MRTFB: variants seen among roughly 807,000 people sequenced by gnomAD.
MRTFB encodes myocardin-related transcription factor B.
A neutral mutation model predicts 104.2 loss-of-function variants in MRTFB; 29 were observed. The observed-to-expected ratio is 0.28, with a 90% CI of 0.21 to 0.38. MRTFB has a LOEUF of 0.38. MRTFB is among the 10% of genes least tolerant of loss of function. The probability of loss-of-function intolerance (pLI) is 1.00; values close to 1 mark genes in which losing one functional copy is unlikely to be tolerated. For synonymous variants in MRTFB, 535 were observed against 519.5 expected (o/e 1.03, Z -0.41); for missense variants, 1,270 against 1,341.6 (o/e 0.95, Z 0.83).
intron 3 of MRTFB, among the ~76,000 whole-genome samples, chr16:14,155,906 T>A (rs1422872545): frequency 6.6e-6 from 1 of 152,204 alleles, no homozygotes; most frequent in African/African-American, 2.4e-5. Flanking sequence ...TGGAACTCTT[T>A]TTCAGCATAG....
the MRTFB span, among the ~76,000 whole-genome samples, chr16:13,999,454 G>T: frequency 6.7e-6 from 1 of 149,164 alleles, no homozygotes. Flanking sequence ...ACAGAACCCA[G>T]TCAGAGCCAG....
At chr16:14,051,024 C>T in the MRTFB span, among the ~76,000 whole-genome samples, 1 of 152,174 alleles carries the variant, frequency 6.6e-6, no homozygotes, top group South Asian at 2.1e-4. Context: ...TCTTTACCAT[C>T]ACAGGAATTC....
the MRTFB span, among the ~76,000 whole-genome samples, chr16:14,034,475 G>A: frequency 2.0e-5 from 3 of 152,094 alleles, no homozygotes; most frequent in Non-Finnish European, 4.4e-5. Context: ...TTAGCCAGGC[G>A]TGGTGGTGGG....
chr16:14,179,154 TATTA>T (rs1264719557), intron 3 of MRTFB, among the ~76,000 whole-genome samples: 5 of 152,252 alleles, frequency 3.3e-5, no homozygotes, highest in African/African-American at 9.6e-5. Flanking sequence ...ACACTTTGCA[TATTA>T]ATTATAGAAA....
chr16:14,054,972 A>G, the MRTFB span, among the ~76,000 whole-genome samples: 2 of 152,254 alleles, frequency 1.3e-5, no homozygotes, highest in Non-Finnish European at 2.9e-5. Context: ...TGCAAAAGCA[A>G]CAGCACATTC....
chr16:14,028,975 T>G, the MRTFB span, among the ~76,000 whole-genome samples: 1 of 151,974 alleles, frequency 6.6e-6, no homozygotes, highest in Non-Finnish European at 1.5e-5. Context: ...CTAGCTGAAG[T>G]GAGTTAAAAC....
chr16:14,056,547 C>T, the MRTFB span, among the ~76,000 whole-genome samples: 33 of 152,166 alleles, frequency 2.2e-4, no homozygotes, highest in African/African-American at 6.8e-4. Flanking sequence ...ATTCTACAGG[C>T]ATTTTGTATT....
chr16:14,198,316 T>C (rs1458157200), intron 3 of MRTFB, among the ~76,000 whole-genome samples: 2 of 152,230 alleles, frequency 1.3e-5, no homozygotes, highest in Non-Finnish European at 2.9e-5. Flanking sequence ...GTTTGAGTAC[T>C]TGTTTCCAAT....
At chr16:14,059,198 T>C in the MRTFB span, among the ~76,000 whole-genome samples, 4 of 152,142 alleles carry the variant, frequency 2.6e-5, no homozygotes, top group Non-Finnish European at 4.4e-5. Flanking sequence ...ATCTAGCACT[T>C]CAAACATTTA....
the MRTFB span, among the ~76,000 whole-genome samples, chr16:14,001,353 G>A: frequency 6.6e-6 from 1 of 152,166 alleles, no homozygotes; most frequent in Non-Finnish European, 1.5e-5. Flanking sequence ...CTCCTCATAG[G>A]GGATACAGGG....
chr16:14,255,760 A>T (rs2043453171), intron 15 of MRTFB, among the ~76,000 whole-genome samples: 1 of 152,068 alleles, frequency 6.6e-6, no homozygotes, highest in South Asian at 2.1e-4. Context: ...GAAGTTAAGG[A>T]TATGTATTGC....
intron 8 of MRTFB, among the ~76,000 whole-genome samples, chr16:14,222,344 A>G (rs2041764335): frequency 6.6e-6 from 1 of 152,206 alleles, no homozygotes; most frequent in South Asian, 2.1e-4. Flanking sequence ...CACAGGCTGC[A>G]TGCGGCCCAG....
the MRTFB span, among the ~76,000 whole-genome samples, chr16:14,058,018 C>G: frequency 6.6e-6 from 1 of 152,180 alleles, no homozygotes; most frequent in African/African-American, 2.4e-5. Context: ...ACCCAGAATA[C>G]CCCGGAGCAG....
chr16:14,228,582 A>T (rs2042114859), intron 8 of MRTFB, among the ~76,000 whole-genome samples: 1 of 152,256 alleles, frequency 6.6e-6, no homozygotes. Flanking sequence ...TCCCAAAAAA[A>T]AAAAAATAGA....
the MRTFB span, among the ~76,000 whole-genome samples, chr16:14,037,682 G>T: frequency 6.6e-6 from 1 of 152,176 alleles, no homozygotes; most frequent in South Asian, 2.1e-4. Context: ...AATCTGCAAA[G>T]AAAAGGTCTA....
chr16:14,082,916 T>G (rs2034494605), intron 2 of MRTFB, among the ~76,000 whole-genome samples: 1 of 152,230 alleles, frequency 6.6e-6, no homozygotes, highest in Non-Finnish European at 1.5e-5. Context: ...GGTATTTTGA[T>G]AAGGATTGCA....
chr16:14,134,223 T>C (rs1350324296), intron 2 of MRTFB, among the ~76,000 whole-genome samples: 1 of 152,244 alleles, frequency 6.6e-6, no homozygotes, highest in Non-Finnish European at 1.5e-5. Flanking sequence ...GAATGTTATA[T>C]AACTTTTTCT....
At chr16:14,148,100 T>G (rs1289500331) in intron 3 of MRTFB, among the ~76,000 whole-genome samples, 4 of 152,200 alleles carry the variant, frequency 2.6e-5, no homozygotes, top group Non-Finnish European at 1.5e-5. Flanking sequence ...ACAAATTTAT[T>G]AAGAAATAGT....
rs759668731 is a variant in MRTFB, at chr16:14,218,846, A to G, written c.541A>G (p.Thr181Ala). The change falls in exon 8 of 17, where the codon ACT (threonine) becomes GCT (alanine). Residue 181 changes from threonine to alanine, a missense_variant. This residue lies in a region of MRTFB where 1,144 missense variants were observed against 1,131.5 expected (regional missense o/e 1.01). Transcript: ENST00000571589. ...CGTTGGGAAGGAGGACTATCCCCAC[A>G]CTCAGGGCGATTTCTCATTTGATGA... ...IGVGKEDYPH[T>A]QGDFSFDEDS... is the part of the protein sequence containing the mutation. 19 of 1,610,806 alleles carry G rather than the reference A, an allele frequency of 1.2e-5. No homozygotes were observed. Among genetic ancestry groups the G allele is most frequent in the Non-Finnish European group, 1.6e-5 (19 of 1,178,284 alleles).
Sources: allele counts gnomAD v4.1 joint callset (sites outside exome capture counted in the v4.1 genomes callset), GRCh38; gene constraint gnomAD v4.1.1; regional missense constraint gnomAD v4.1.1; transcripts MANE v1.5; gene names NCBI Gene and HGNC (gene_info 2026-07-23, HGNC 2026-07-21).